OTOGL: variants seen among roughly 807,000 people sequenced by gnomAD.
The protein encoded by OTOGL is otogelin like.
In OTOGL, 285 loss-of-function variants were observed where a neutral mutation model predicts 318.5. The observed-to-expected ratio is 0.89, with a 90% CI of 0.81 to 0.99. OTOGL has a LOEUF of 0.99. OTOGL is among the 50% of genes least tolerant of loss of function. OTOGL has a pLI of 0.00. For missense variants in OTOGL, 2,899 were observed against 2,845.6 expected, an observed-to-expected ratio of 1.02 and a Z score of -0.43; for synonymous variants, 987 against 936.5, an observed-to-expected ratio of 1.05 and a Z score of -0.99.
At chr12:80,300,206 T>C (rs988759546) in intron 27 of OTOGL, among the ~76,000 whole-genome samples, 4 of 151,700 alleles carry the variant, frequency 2.6e-5, no homozygotes, top group African/African-American at 9.7e-5. Context: ...TGTCGTGGTT[T>C]TTTTTTTTTT....
chr12:80,141,097 T>C (rs910447638), intron 1 of OTOGL, among the ~76,000 whole-genome samples: 2 of 152,192 alleles, frequency 1.3e-5, no homozygotes, highest in Non-Finnish European at 2.9e-5. Flanking sequence ...GTGATCTTTT[T>C]ATTCTTGTAC....
chr12:80,174,256 CAGGGTT>C (rs1565888079), intron 1 of OTOGL, among the ~76,000 whole-genome samples: 1 of 152,084 alleles, frequency 6.6e-6, no homozygotes, highest in Non-Finnish European at 1.5e-5. Context: ...CAGGAATAAG[CAGGGTT>C]AGTCTAAATT....
rs1248744303 is a variant in OTOGL, at chr12:80,249,691, ACCCAGTTCGAGCTTCCC to A, written c.1053-2001_1053-1985del. ...GCCTCCTTGAGCTGTGGTGGGCTCC[ACCCAGTTCGAGCTTCCC>A]GGCTGCTTTGTTTACCTAAGGAAGC... is the stretch of plus-strand genomic sequence containing the variant. On this transcript the variant is annotated intron_variant, in intron 11 of 58. Transcript: ENST00000547103. 3.3e-4 allele frequency among the ~76,000 whole-genome samples: 50 copies of A among 152,222 alleles called. No homozygotes were observed. The Middle Eastern group carries it at 0.014, about 41-fold the overall frequency.
intron 1 of OTOGL, among the ~76,000 whole-genome samples, chr12:80,163,556 A>AT (rs1873655794): frequency 6.6e-6 from 1 of 152,020 alleles, no homozygotes; most frequent in Admixed American, 6.6e-5. Context: ...TATTGCTGCC[A>AT]TTTTTTATAC....
At position 80,355,753 on chromosome 12, in the gene OTOGL, G is replaced by A; in HGVS notation, c.5611G>A (p.Asp1871Asn). 1 of 1,613,344 alleles carries A rather than the reference G, an allele frequency of 6.2e-7. No individual in the cohort carries two copies. The highest frequency in any genetic ancestry group is 8.5e-7 in the Non-Finnish European group (1 of 1,179,502). ...EKECACTDSE[D>N]QPRTAGEIWN... Reference sequence around the variant, plus strand: ...TTTTTAAGCATGCACTGATAGTGAAGACCAACCCCGCACTGCTGGGGAGAT... The same window carrying A: ...TTTTTAAGCATGCACTGATAGTGAAAACCAACCCCGCACTGCTGGGGAGAT... Residue 1871 changes from aspartate to asparagine, a missense_variant, in exon 47 of 59, where the codon GAC becomes AAC. This residue lies in a region of OTOGL where 2,607 missense variants were observed against 2,524.9 expected (regional missense o/e 1.03). Coordinates refer to ENST00000547103, the MANE Select transcript of OTOGL (RefSeq NM_001378609.3).
At position 80,356,862 on chromosome 12, in the gene OTOGL, A is replaced by G; in HGVS notation, c.5967A>G (p.Gln1989=). Residue 1989 remains glutamine (Q), a synonymous_variant, in exon 49 of 59, where the codon CAA becomes CAG. Coordinates refer to ENST00000547103, the MANE Select transcript of OTOGL (RefSeq NM_001378609.3). ...CAACACCAGAATGCAGAGAAGATCA[A>G]TTCATGATTCAAGTTCGACAGGAAG... ...SISTPECRED[Q]FMIQVRQEEP... The G allele has an allele frequency of 6.2e-7, 1 of 1,600,476 alleles. No individual in the cohort carries two copies. The highest frequency in any genetic ancestry group is 8.5e-7 in the Non-Finnish European group (1 of 1,173,180).
At chr12:80,254,363 ATTTTAT>A (rs1357526351) in intron 14 of OTOGL, among the ~76,000 whole-genome samples, 155 bp from the exon 15 acceptor site, 1 of 64,690 alleles carries the variant, frequency 1.5e-5, no homozygotes, top group African/African-American at 3.3e-5. Context: ...TTATTTATTG[ATTTTAT>A]TTATTTTATT....
chr12:80,323,503 A>C lies in OTOGL; in HGVS notation c.4082-220A>C, dbSNP rs1887479250. Among the ~76,000 whole-genome samples the C allele has an allele frequency of 2.6e-5, 4 of 151,940 alleles. No individual in the cohort carries two copies. The South Asian group carries it at 8.3e-4, about 32-fold the overall frequency. ...GTCTCTATTAAAAATATAAAAATTAACTGGGTGTGGTGGCATGTGCTTGTA... is the reference window on the plus strand; with the variant it reads ...GTCTCTATTAAAAATATAAAAATTACCTGGGTGTGGTGGCATGTGCTTGTA... On this transcript the variant is annotated intron_variant, in intron 34 of 58. Coordinates refer to ENST00000547103, the MANE Select transcript of OTOGL (RefSeq NM_001378609.3).
At chr12:80,217,934 T>A (rs1474186725) in intron 5 of OTOGL, among the ~76,000 whole-genome samples, 1 of 152,212 alleles carries the variant, frequency 6.6e-6, no homozygotes, top group Non-Finnish European at 1.5e-5. Context: ...TGTGAATAAA[T>A]TACTTGCTCT....
chr12:80,358,222 A>G, intron 49 of OTOGL, 26 bp from the exon 50 acceptor site: 1 of 1,489,062 alleles, frequency 6.7e-7, no homozygotes, highest in Non-Finnish European at 9.3e-7. Context: ...CTCAGCTGTG[A>G]TTTTTGGCTT....
At chr12:80,288,898 T>C (rs1884832508) in intron 26 of OTOGL, among the ~76,000 whole-genome samples, 2 of 152,160 alleles carry the variant, frequency 1.3e-5, no homozygotes, top group Admixed American at 1.3e-4. Flanking sequence ...AGCCTACTTC[T>C]GTCAATTCAT....
chr12:80,260,150 C>T (rs965806198), intron 18 of OTOGL, among the ~76,000 whole-genome samples: 1 of 152,040 alleles, frequency 6.6e-6, no homozygotes, highest in Admixed American at 6.6e-5. Context: ...TTTAGTGGGG[C>T]ATCAGGAAGA....
At chr12:80,360,308 C>T (rs1890157007) in intron 52 of OTOGL, among the ~76,000 whole-genome samples, 2 of 151,742 alleles carry the variant, frequency 1.3e-5, no homozygotes, top group South Asian at 4.2e-4. Flanking sequence ...TACTTTCTAT[C>T]TTTTTTCTGG....
At chr12:80,356,553 G>C in intron 48 of OTOGL, 33 bp downstream of exon 48, 1 of 1,440,374 alleles carries the variant, frequency 6.9e-7, no homozygotes, top group Non-Finnish European at 9.6e-7. Flanking sequence ...TAAGAGTGAG[G>C]TTCATTGTTC....
At chr12:80,147,812 GC>G (rs1038327085) in intron 1 of OTOGL, among the ~76,000 whole-genome samples, 91 of 152,200 alleles carry the variant, frequency 6.0e-4, no homozygotes, top group African/African-American at 2.1e-3. Context: ...TTATATAATG[GC>G]CTTGTTTGTC....
intron 22 of OTOGL, among the ~76,000 whole-genome samples, 191 bp from the exon 23 acceptor site, chr12:80,269,911 A>G (rs1883273458): frequency 6.6e-6 from 1 of 152,122 alleles, no homozygotes; most frequent in Admixed American, 6.6e-5. Context: ...TGTTTGATAA[A>G]AAGTGTTGTG....
intron 7 of OTOGL, among the ~76,000 whole-genome samples, chr12:80,227,893 T>TC (rs1293324973): frequency 6.6e-6 from 1 of 152,098 alleles, no homozygotes; most frequent in Non-Finnish European, 1.5e-5. Flanking sequence ...ACATACCCTA[T>TC]CCCCTTTCCC....
chr12:80,101,213 A>G (rs1013510346), intron 1 of OTOGL, among the ~76,000 whole-genome samples: 3 of 152,172 alleles, frequency 2.0e-5, no homozygotes, highest in African/African-American at 7.2e-5. Context: ...CTCCTACGTG[A>G]AAGGTTGATG....
At chr12:80,352,670 T>A (rs1275475821) in intron 45 of OTOGL, among the ~76,000 whole-genome samples, 1 of 152,166 alleles carries the variant, frequency 6.6e-6, no homozygotes, top group East Asian at 1.9e-4. Context: ...TGAGAGGTAA[T>A]CACTATTCAA....
Sources: gnomAD v4.1 joint callset for allele counts (sites outside exome capture counted in the v4.1 genomes callset) on GRCh38, gnomAD v4.1.1 for gene constraint, gnomAD v4.1.1 regional missense constraint, MANE v1.5 for transcripts, NCBI Gene and HGNC (gene_info 2026-07-23, HGNC 2026-07-21) for gene names.